Variants in FCHSD2 observed in about 807,000 individuals in gnomAD.
FCHSD2 encodes F-BAR and double SH3 domains protein 2.
FCHSD2 carries 38 observed loss-of-function variants against 108.1 expected under a neutral mutation model. The ratio of observed to expected loss-of-function variants is 0.35; its 90% CI spans 0.27 to 0.46. The LOEUF is 0.46. Among genes scored for constraint, FCHSD2 ranks in the 20% least tolerant of loss-of-function variants. The probability of loss-of-function intolerance (pLI) is 1.00; values close to 1 mark genes in which losing one functional copy is unlikely to be tolerated. For missense variants in FCHSD2, 751 were observed against 897.8 expected, an observed-to-expected ratio of 0.84 and a Z score of 2.09; for synonymous variants, 279 against 314.7, an observed-to-expected ratio of 0.89 and a Z score of 1.20.
At chr11:73,108,548 T>C (rs1275062693) in intron 2 of FCHSD2, among the ~76,000 whole-genome samples, 1 of 71,916 alleles carries the variant, frequency 1.4e-5, no homozygotes, top group Admixed American at 1.4e-4. Flanking sequence ...ATTTTAGATT[T>C]AAGTTTTTTT....
chr11:72,910,372 T>C (rs1306315830), intron 9 of FCHSD2, among the ~76,000 whole-genome samples: 1 of 150,968 alleles, frequency 6.6e-6, no homozygotes, highest in Admixed American at 6.6e-5. Flanking sequence ...ACGATGGCGG[T>C]TTTGTCGAAA....
intron 3 of FCHSD2, among the ~76,000 whole-genome samples, chr11:73,051,458 T>G (rs2135476166): frequency 6.6e-6 from 1 of 152,308 alleles, no homozygotes; most frequent in East Asian, 1.9e-4. Flanking sequence ...ATAGGTATTT[T>G]TACACCTAAT....
chr11:73,015,784 A>G, intron 4 of FCHSD2, 25 bp downstream of exon 4: 1 of 1,499,320 alleles, frequency 6.7e-7, no homozygotes, highest in Non-Finnish European at 9.2e-7. Flanking sequence ...TTTCTAAAGA[A>G]AATAGGCAAA....
chr11:72,988,908 A>G (rs1460362265), intron 6 of FCHSD2, 56 bp downstream of exon 6: 4 of 1,467,922 alleles, frequency 2.7e-6, no homozygotes, highest in Non-Finnish European at 2.8e-6. Flanking sequence ...ACAAACTATT[A>G]GCAACAATAA....
intron 8 of FCHSD2, among the ~76,000 whole-genome samples, chr11:72,925,765 T>G (rs1316076893): frequency 6.6e-6 from 1 of 152,066 alleles, no homozygotes; most frequent in Non-Finnish European, 1.5e-5. Context: ...CAGGGAAGCA[T>G]TGCTGGGGTT....
chr11:73,029,810 T>A (rs191197672), intron 3 of FCHSD2, among the ~76,000 whole-genome samples: 1 of 152,258 alleles, frequency 6.6e-6, no homozygotes, highest in Admixed American at 6.5e-5. Context: ...AATTAGTAAG[T>A]CACCACAATA....
intron 6 of FCHSD2, among the ~76,000 whole-genome samples, chr11:72,985,578 T>C (rs1318628146): frequency 6.6e-6 from 1 of 152,210 alleles, no homozygotes; most frequent in Non-Finnish European, 1.5e-5. Flanking sequence ...ATAGGCTCTA[T>C]GAAGTCCTTA....
At chr11:73,067,705 A>G (rs1398863046) in intron 3 of FCHSD2, among the ~76,000 whole-genome samples, 2 of 152,146 alleles carry the variant, frequency 1.3e-5, no homozygotes, top group African/African-American at 4.8e-5. Context: ...AAATGAGCGG[A>G]ATGAAAAAAA....
chr11:73,129,281 G>T (rs1269583895), intron 2 of FCHSD2, among the ~76,000 whole-genome samples: 3 of 152,144 alleles, frequency 2.0e-5, no homozygotes, highest in Non-Finnish European at 4.4e-5. Context: ...TAAACCAGGG[G>T]TCCCCAACCC....
At chr11:73,059,535 T>C (rs1859112886) in intron 3 of FCHSD2, among the ~76,000 whole-genome samples, 1 of 152,158 alleles carries the variant, frequency 6.6e-6, no homozygotes, top group Admixed American at 6.5e-5. Flanking sequence ...CTCTAACTTC[T>C]TCTGCCTTGT....
At chr11:73,002,156 G>C (rs900258616) in intron 4 of FCHSD2, among the ~76,000 whole-genome samples, 1 of 152,128 alleles carries the variant, frequency 6.6e-6, no homozygotes, top group Non-Finnish European at 1.5e-5. Context: ...GTGGTCAACA[G>C]ATGACAGTGT....
intron 3 of FCHSD2, among the ~76,000 whole-genome samples, chr11:73,074,755 T>C (rs992256765): frequency 6.6e-6 from 1 of 152,118 alleles, no homozygotes; most frequent in African/African-American, 2.4e-5. Flanking sequence ...TATAAAGAGA[T>C]AGTAAAACTG....
chr11:72,849,736 A>T lies in FCHSD2; in HGVS notation c.1443+19T>A, dbSNP rs1231071440. The T allele has an allele frequency of 6.3e-7, 1 of 1,582,064 alleles. No individual in the cohort carries two copies. Among genetic ancestry groups the T allele is most frequent in the East Asian group, 2.2e-5 (1 of 44,740 alleles). On this transcript the variant is annotated intron_variant, in intron 14 of 19. Transcript: ENST00000409418. Reference sequence around the variant, plus strand: ...GAGTTAATCAGAATTTAATAACATTATGTTGGAGAAATACAAACCTTGTAG... The same window carrying T: ...GAGTTAATCAGAATTTAATAACATTTTGTTGGAGAAATACAAACCTTGTAG...
Position 73,070,463 on chromosome 11 carries a change from G to A in FCHSD2, c.165+13232C>T, listed in dbSNP as rs558818983. Among the ~76,000 whole-genome samples, 11 of 151,994 alleles carry A rather than the reference G, an allele frequency of 7.2e-5. 1 individual carries two copies. The highest frequency in any genetic ancestry group is 2.1e-4 in the South Asian group (1 of 4,806). ...TTTTGAGATACAGTCTCGTTCTGTC[G>A]CCCAGGCTGGAGTGCAGTGGCACGA... On this transcript the variant is annotated intron_variant, in intron 3 of 19. Coordinates refer to ENST00000409418, the MANE Select transcript of FCHSD2 (RefSeq NM_014824.3).
At chr11:73,133,022 C>A (rs1489847276) in intron 2 of FCHSD2, among the ~76,000 whole-genome samples, 1 of 152,102 alleles carries the variant, frequency 6.6e-6, no homozygotes, top group African/African-American at 2.4e-5. Flanking sequence ...AAAATGCTCA[C>A]CATCATAAGT....
chr11:73,107,304 TC>T (rs1860368548), intron 2 of FCHSD2, among the ~76,000 whole-genome samples: 1 of 152,192 alleles, frequency 6.6e-6, no homozygotes, highest in Admixed American at 6.5e-5. Context: ...CAGCTCGGCC[TC>T]CCAAAGTGCT....
chr11:72,846,398 T>C (rs764652682), intron 14 of FCHSD2, among the ~76,000 whole-genome samples: 3 of 152,144 alleles, frequency 2.0e-5, no homozygotes, highest in Admixed American at 6.5e-5. Context: ...GTCAGGCTGG[T>C]CTCGAACTCC....
chr11:72,863,333 C>T (rs1475094769), intron 13 of FCHSD2, among the ~76,000 whole-genome samples: 2 of 151,950 alleles, frequency 1.3e-5, no homozygotes, highest in East Asian at 1.9e-4. Context: ...ATTCTGTTTA[C>T]CATAATAAAA....
chr11:73,091,800 G>A (rs1011331636), intron 2 of FCHSD2, among the ~76,000 whole-genome samples: 3 of 152,088 alleles, frequency 2.0e-5, no homozygotes, highest in African/African-American at 4.8e-5. Flanking sequence ...AGTACTTTGG[G>A]AGGCCGAGGC....
Sources: gnomAD v4.1 joint callset for allele counts (sites outside exome capture counted in the v4.1 genomes callset) on GRCh38, gnomAD v4.1.1 for gene constraint, MANE v1.5 for transcripts, NCBI Gene and HGNC (gene_info 2026-07-23, HGNC 2026-07-21) for gene names.